The following BCL11A variants were observed in gnomAD, a reference collection of about 807,000 sequenced individuals.
The protein encoded by BCL11A is BCL11 transcription factor A, also known as B cell CLL/lymphoma 11A.
Under a neutral mutation model 55.9 loss-of-function variants are expected in BCL11A, and 2 were observed. The ratio of observed to expected loss-of-function variants is 0.04; its 90% CI spans 0.01 to 0.11. The LOEUF (loss-of-function observed/expected upper bound fraction) is 0.11. Among genes scored for constraint, BCL11A ranks in the 10% least tolerant of loss-of-function variants. BCL11A has a pLI of 1.00. For synonymous variants in BCL11A, 465 were observed against 473.4 expected (o/e 0.98, Z 0.23); for missense variants, 817 against 1,137.1 (o/e 0.72, Z 4.05).
intron 2 of BCL11A, among the ~76,000 whole-genome samples, chr2:60,476,682 G>T (rs576410456): frequency 6.6e-6 from 1 of 152,324 alleles, no homozygotes; most frequent in African/African-American, 2.4e-5. Flanking sequence ...AAAATTGGCA[G>T]GGCTTCTAAC....
intron 2 of BCL11A, among the ~76,000 whole-genome samples, chr2:60,507,838 C>T (rs755047858): frequency 6.6e-6 from 1 of 152,128 alleles, no homozygotes; most frequent in Non-Finnish European, 1.5e-5. Context: ...CACGTCTTCA[C>T]AGTAATCCAA....
At chr2:60,550,433 C>T (rs1322620504) in intron 1 of BCL11A, among the ~76,000 whole-genome samples, 1 of 152,194 alleles carries the variant, frequency 6.6e-6, no homozygotes, top group East Asian at 1.9e-4. Context: ...CTCGTTCCTC[C>T]CCGGACGAGA....
At chr2:60,466,270 C>T (rs1188242785) in intron 3 of BCL11A, among the ~76,000 whole-genome samples, 1 of 152,040 alleles carries the variant, frequency 6.6e-6, no homozygotes. Flanking sequence ...GGCAACAGCC[C>T]TTGGCCTCTC....
chr2:60,526,442 G>A (rs1439202832), intron 2 of BCL11A: 1 of 152,184 alleles, frequency 6.6e-6, no homozygotes, highest in Non-Finnish European at 1.5e-5. Flanking sequence ...TGTCTCCTAT[G>A]CATCTCCCCC....
intron 2 of BCL11A, chr2:60,534,126 T>C (rs1310672549): frequency 6.6e-6 from 1 of 152,098 alleles, no homozygotes; most frequent in Non-Finnish European, 1.5e-5. Flanking sequence ...AATCACAGGC[T>C]CTCAAAAATC....
intron 1 of BCL11A, among the ~76,000 whole-genome samples, chr2:60,551,363 GT>G (rs1670406033): frequency 6.6e-6 from 1 of 152,210 alleles, no homozygotes; most frequent in South Asian, 2.1e-4. Flanking sequence ...AGTGCTCGGG[GT>G]CCCAGGATCC....
At chr2:60,505,735 C>T (rs745850746) in intron 2 of BCL11A, among the ~76,000 whole-genome samples, 61 of 152,222 alleles carry the variant, frequency 4.0e-4, no homozygotes, top group Non-Finnish European at 4.1e-4. Context: ...CACTCTGTGA[C>T]GGAGGGTGGG....
At chr2:60,463,674 C>T (rs1255241301) in intron 3 of BCL11A, among the ~76,000 whole-genome samples, 1 of 151,728 alleles carries the variant, frequency 6.6e-6, no homozygotes, top group African/African-American at 2.4e-5. Context: ...GGGGAGATAG[C>T]TACATTAAAT....
In BCL11A at chr2:60,521,100, CTCA is replaced by C. The variant is rs1440736155; in HGVS notation, c.385+24868_385+24870del. Among the ~76,000 whole-genome samples the C allele has an allele frequency of 1.8e-3, 254 of 140,874 alleles. 3 individuals carry two copies. Among genetic ancestry groups the C allele is most frequent in the Admixed American group, 5.5e-3 (81 of 14,708 alleles). 92.4% of individuals were successfully genotyped at this position (140,874 alleles called of 152,430 possible). A position where few individuals can be genotyped will look rare whatever the true frequency, so the allele number is the denominator to read the frequency against. On this transcript the variant is annotated intron_variant, in intron 2 of 3. Coordinates refer to ENST00000642384, the MANE Select transcript of BCL11A (RefSeq NM_022893.4). ...ACACACACACACACACACACACACA[CTCA>C]CACACACACACACACACACACTCAC... is the stretch of plus-strand genomic sequence containing the variant.
At chr2:60,552,517 C>T (rs987448200) in intron 1 of BCL11A, among the ~76,000 whole-genome samples, 1 of 152,176 alleles carries the variant, frequency 6.6e-6, no homozygotes, top group Non-Finnish European at 1.5e-5. Flanking sequence ...GAACAAAAGG[C>T]GGCAGTGCCG....
chr2:60,544,824 T>C (rs912395215), intron 2 of BCL11A: 2 of 152,232 alleles, frequency 1.3e-5, no homozygotes, highest in African/African-American at 2.4e-5. Context: ...TCACAGAATC[T>C]GCATTGACTT....
chr2:60,462,117 C>G lies in BCL11A; in HGVS notation c.795G>C (p.Leu265=). The part of the protein sequence containing the change: ...AEGRFPPTPP[L]FSPPPRHHLD... ...AGTGATGTCTCGGTGGTGGACTAAA[C>G]AGGGGGGGAGTGGGTGGAAAGCGCC... The change falls in exon 4 of 4, where the codon CTG becomes CTC. Residue 265 remains leucine (L), a synonymous_variant. Transcript: ENST00000642384. The G allele has an allele frequency of 6.4e-7, 1 of 1,558,088 alleles. No homozygotes were observed. Among genetic ancestry groups the G allele is most frequent in the Non-Finnish European group, 8.7e-7 (1 of 1,153,854 alleles).
intron 3 of BCL11A, among the ~76,000 whole-genome samples, chr2:60,467,198 GTGATGGCGGTGATGGTAC>G (rs1676721241): frequency 3.0e-5 from 4 of 135,532 alleles, no homozygotes; most frequent in Non-Finnish European, 4.8e-5. Flanking sequence ...GATGGTGGTG[GTGATGGCGGTGATGGTAC>G]TGGTGATGGT....
intron 2 of BCL11A, among the ~76,000 whole-genome samples, chr2:60,493,429 C>A (rs761638004): frequency 6.6e-6 from 1 of 152,068 alleles, no homozygotes; most frequent in Non-Finnish European, 1.5e-5. Context: ...CACCCCATTC[C>A]CTGGAGAGTT....
At position 60,460,896 on chromosome 2, in the gene BCL11A, G is replaced by C. The variant is rs1676217904; in HGVS notation, c.2016C>G (p.Pro672=). Residue 672 remains proline, a synonymous_variant, in exon 4 of 4, where the codon CCC becomes CCG. Coordinates refer to ENST00000642384, the MANE Select transcript of BCL11A (RefSeq NM_022893.4). ...GTCTGGAGTCTCCGAAGCTAAGGAAGGGATCTTTGAGCTGCCTGGAGGCCG... is the reference window on the plus strand; with the variant it reads ...GTCTGGAGTCTCCGAAGCTAAGGAACGGATCTTTGAGCTGCCTGGAGGCCG... The part of the protein sequence containing the change: ...GYAASRQLKD[P]FLSFGDSRQS... The C allele has an allele frequency of 1.2e-6, 2 of 1,613,218 alleles. No individual in the cohort carries two copies. The highest frequency in any genetic ancestry group is 1.7e-6 in the Non-Finnish European group (2 of 1,180,036).
chr2:60,552,896 G>T (rs551941847), intron 1 of BCL11A, among the ~76,000 whole-genome samples: 3 of 152,054 alleles, frequency 2.0e-5, no homozygotes, highest in African/African-American at 7.3e-5. Flanking sequence ...GCGGGGCGGG[G>T]GGGGAGTGGA....
chr2:60,529,281 G>C (rs1669342798), intron 2 of BCL11A, among the ~76,000 whole-genome samples: 1 of 152,158 alleles, frequency 6.6e-6, no homozygotes, highest in Admixed American at 6.5e-5. Context: ...CCAGCACTGA[G>C]CCCAGCGCCC....
At chr2:60,519,591 C>T (rs922797692) in intron 2 of BCL11A, among the ~76,000 whole-genome samples, 1 of 148,740 alleles carries the variant, frequency 6.7e-6, no homozygotes, top group African/African-American at 2.5e-5. Flanking sequence ...GCCTTCTTTC[C>T]TTACAAGAGA....
chr2:60,528,520 C>T (rs1219203619), intron 2 of BCL11A: 1 of 152,226 alleles, frequency 6.6e-6, no homozygotes, highest in Non-Finnish European at 1.5e-5. Context: ...TCTTCTCTTT[C>T]CCAGAAGATT....
Sources: gnomAD v4.1 joint callset for allele counts (sites outside exome capture counted in the v4.1 genomes callset) on GRCh38, gnomAD v4.1.1 for gene constraint, MANE v1.5 for transcripts, NCBI Gene and HGNC (gene_info 2026-07-23, HGNC 2026-07-21) for gene names.